The following SLC35F1 variants were observed in gnomAD, a reference collection of about 807,000 sequenced individuals.
SLC35F1 encodes the protein solute carrier family 35 member F1, also known as chromosome 6 open reading frame 169.
Under a neutral mutation model 48.7 loss-of-function variants are expected in SLC35F1, and 14 were observed. The ratio of observed to expected loss-of-function variants is 0.29; its 90% CI spans 0.19 to 0.45. SLC35F1 has a LOEUF of 0.45. Ranked by LOEUF, SLC35F1 falls within the 20% of genes least tolerant of loss-of-function variation. The probability of loss-of-function intolerance (pLI) is 1.00; values close to 1 mark genes in which losing one functional copy is unlikely to be tolerated. For synonymous variants in SLC35F1, 190 were observed against 202.2 expected (o/e 0.94, Z 0.51); for missense variants, 404 against 500.0 (o/e 0.81, Z 1.83).
chr6:118,084,838 A>G (rs1772963317), intron 1 of SLC35F1, among the ~76,000 whole-genome samples: 1 of 152,076 alleles, frequency 6.6e-6, no homozygotes, highest in East Asian at 1.9e-4. Context: ...ATTCCCTGGG[A>G]CCAGGAAACT....
chr6:117,949,116 T>G (rs1391793581), intron 1 of SLC35F1, among the ~76,000 whole-genome samples: 2 of 152,192 alleles, frequency 1.3e-5, no homozygotes, highest in African/African-American at 4.8e-5. Flanking sequence ...ATTTATCCAA[T>G]TTTTGCAGAT....
intron 1 of SLC35F1, among the ~76,000 whole-genome samples, chr6:117,944,319 G>A (rs1227441975): frequency 2.0e-5 from 3 of 152,092 alleles, no homozygotes; most frequent in Admixed American, 2.0e-4. Context: ...AACTGTCTGT[G>A]TGTAGGGAAG....
intron 2 of SLC35F1, among the ~76,000 whole-genome samples, chr6:118,175,415 A>G (rs1275289217): frequency 1.3e-5 from 2 of 152,176 alleles, no homozygotes; most frequent in African/African-American, 4.8e-5. Flanking sequence ...CAAATTCAGG[A>G]TATCCTATTT....
At chr6:118,182,611 A>G (rs1300401218) in intron 2 of SLC35F1, among the ~76,000 whole-genome samples, 1 of 151,982 alleles carries the variant, frequency 6.6e-6, no homozygotes, top group Non-Finnish European at 1.5e-5. Flanking sequence ...CACTCCTGAA[A>G]TCTCAACACT....
At chr6:118,136,183 A>G (rs1282449117) in intron 1 of SLC35F1, among the ~76,000 whole-genome samples, 1 of 152,148 alleles carries the variant, frequency 6.6e-6, no homozygotes, top group East Asian at 1.9e-4. Flanking sequence ...ATTTTTTGCA[A>G]CCTTCCTCAT....
chr6:118,260,430 T>C (rs1039488829), intron 3 of SLC35F1, among the ~76,000 whole-genome samples: 4 of 152,040 alleles, frequency 2.6e-5, no homozygotes, highest in Non-Finnish European at 5.9e-5. Context: ...AAAGTATCTA[T>C]ATTACAGGTT....
intron 1 of SLC35F1, among the ~76,000 whole-genome samples, chr6:118,015,178 AT>A: frequency 6.6e-6 from 1 of 152,310 alleles, no homozygotes; most frequent in Non-Finnish European, 1.5e-5. Context: ...CTGTGAGTTC[AT>A]TAAACCTCTT....
At chr6:117,923,702 T>TATATGTGC (rs1775958090) in intron 1 of SLC35F1, among the ~76,000 whole-genome samples, 1 of 17,470 alleles carries the variant, frequency 5.7e-5, no homozygotes, top group Non-Finnish European at 1.3e-4. Context: ...TACATATACA[T>TATATGTGC]ATATGTACAT....
At chr6:117,995,904 A>G (rs1776981691) in intron 1 of SLC35F1, among the ~76,000 whole-genome samples, 1 of 152,242 alleles carries the variant, frequency 6.6e-6, no homozygotes, top group African/African-American at 2.4e-5. Context: ...AAGTGAGAAA[A>G]GAAAATGCAT....
chr6:118,158,134 C>A (rs944441780), intron 2 of SLC35F1, among the ~76,000 whole-genome samples: 1 of 152,130 alleles, frequency 6.6e-6, no homozygotes, highest in Non-Finnish European at 1.5e-5. Flanking sequence ...AGATTTTTAC[C>A]ATTGCCTCAG....
At chr6:117,999,111 C>T in intron 1 of SLC35F1, 2 of 1,576,590 alleles carry the variant, frequency 1.3e-6, no homozygotes, top group Non-Finnish European at 1.7e-6. Flanking sequence ...ATGCGCTTTG[C>T]CAAGAAGCAC....
chr6:117,996,551 C>T (rs1025564055), intron 1 of SLC35F1, among the ~76,000 whole-genome samples: 43 of 152,200 alleles, frequency 2.8e-4, no homozygotes, highest in African/African-American at 1.0e-3. Context: ...CAGACTGACA[C>T]CTCACACGGC....
intron 7 of SLC35F1, among the ~76,000 whole-genome samples, chr6:118,291,331 G>A (rs376802028): frequency 9.2e-4 from 92 of 99,664 alleles, no homozygotes; most frequent in African/African-American, 3.7e-3. Context: ...TATATCTTTG[G>A]GAAGATACAT....
chr6:117,949,243 A>C (rs956237973), intron 1 of SLC35F1, among the ~76,000 whole-genome samples: 1 of 152,234 alleles, frequency 6.6e-6, no homozygotes, highest in Non-Finnish European at 1.5e-5. Flanking sequence ...ATGCCAGTTC[A>C]GAGTTGATAG....
chr6:117,992,831 A>T (rs572455287), intron 1 of SLC35F1, among the ~76,000 whole-genome samples: 1 of 152,338 alleles, frequency 6.6e-6, no homozygotes, highest in East Asian at 1.9e-4. Context: ...ATCTCTGAAG[A>T]GTACTTTAGT....
At chr6:118,244,189 T>A (rs970918147) in intron 3 of SLC35F1, among the ~76,000 whole-genome samples, 3 of 152,232 alleles carry the variant, frequency 2.0e-5, no homozygotes, top group Admixed American at 6.5e-5. Flanking sequence ...TCCTACACCA[T>A]CTTTAAATGC....
intron 1 of SLC35F1, among the ~76,000 whole-genome samples, chr6:118,135,411 G>C (rs1239338639): frequency 2.0e-5 from 3 of 152,280 alleles, no homozygotes; most frequent in South Asian, 4.1e-4. Context: ...CAGAAACACA[G>C]TTTATGTTGT....
At chr6:117,965,427 A>G (rs950147845) in intron 1 of SLC35F1, among the ~76,000 whole-genome samples, 2 of 152,208 alleles carry the variant, frequency 1.3e-5, no homozygotes, top group African/African-American at 2.4e-5. Context: ...CCCTGCTTAG[A>G]TTGCAGAAAC....
At chr6:118,268,522 G>A (rs919745703) in intron 4 of SLC35F1, among the ~76,000 whole-genome samples, 1 of 148,268 alleles carries the variant, frequency 6.7e-6, no homozygotes, top group African/African-American at 2.5e-5. Flanking sequence ...AATCTTTTTG[G>A]ACCAATCAGA....
Sources: gnomAD v4.1 joint callset for allele counts (sites outside exome capture counted in the v4.1 genomes callset) on GRCh38, gnomAD v4.1.1 for gene constraint, MANE v1.5 for transcripts, NCBI Gene and HGNC (gene_info 2026-07-23, HGNC 2026-07-21) for gene names.